MPP7: variants seen among roughly 807,000 people sequenced by gnomAD.
MPP7 encodes MAGUK p55 subfamily member 7.
A neutral mutation model predicts 76.5 loss-of-function variants in MPP7; 60 were observed. The observed-to-expected ratio is 0.78, with a 90% CI of 0.64 to 0.97. The LOEUF is 0.97. MPP7 is among the 50% of genes least tolerant of loss of function. MPP7 has a pLI of 0.00. For synonymous variants in MPP7, 237 were observed against 244.5 expected, an observed-to-expected ratio of 0.97 and a Z score of 0.29; for missense variants, 641 against 694.0, an observed-to-expected ratio of 0.92 and a Z score of 0.86.
At chr10:28,259,070 T>C (rs556592429) in intron 1 of MPP7, among the ~76,000 whole-genome samples, 2 of 152,164 alleles carry the variant, frequency 1.3e-5, no homozygotes, top group South Asian at 4.1e-4. Context: ...CCACCATTCA[T>C]CCTCCACCAG....
intron 3 of MPP7, among the ~76,000 whole-genome samples, chr10:28,166,423 T>A (rs7098215): frequency 7.1e-6 from 1 of 140,316 alleles, no homozygotes; most frequent in African/African-American, 2.9e-5. Flanking sequence ...TTTTTTTTTT[T>A]TGGGACAGAG....
At chr10:28,263,868 C>G (rs1051248462) in intron 1 of MPP7, among the ~76,000 whole-genome samples, 1 of 152,166 alleles carries the variant, frequency 6.6e-6, no homozygotes, top group Non-Finnish European at 1.5e-5. Context: ...TGGAAGATAG[C>G]AATGGGAAGT....
At chr10:28,137,034 A>C (rs1238588136) in intron 5 of MPP7, among the ~76,000 whole-genome samples, 4 of 152,110 alleles carry the variant, frequency 2.6e-5, no homozygotes, top group East Asian at 1.9e-4. Context: ...AAAACATAAA[A>C]CACCACCAAA....
At chr10:28,073,648 T>C (rs1852342125) in intron 12 of MPP7, among the ~76,000 whole-genome samples, 1 of 152,048 alleles carries the variant, frequency 6.6e-6, no homozygotes, top group East Asian at 1.9e-4. Context: ...CGGGTTCCTG[T>C]AGTCCCAGCT....
chr10:28,312,069 C>T (rs758046228), intron 2 of MPP7, among the ~76,000 whole-genome samples: 5 of 152,086 alleles, frequency 3.3e-5, no homozygotes, highest in South Asian at 4.2e-4. Context: ...AAAGATGGCA[C>T]GGACACAAAG....
At chr10:28,093,685 G>C (rs1335841719) in intron 11 of MPP7, among the ~76,000 whole-genome samples, 5 of 152,102 alleles carry the variant, frequency 3.3e-5, no homozygotes, top group Non-Finnish European at 7.4e-5. Context: ...GACCTCAGGA[G>C]ATCCACCCGC....
chr10:28,107,357 C>T (rs1277065153), intron 11 of MPP7, among the ~76,000 whole-genome samples: 7 of 152,114 alleles, frequency 4.6e-5, no homozygotes, highest in Admixed American at 2.0e-4. Context: ...TCAGATAGTG[C>T]TTTATGCCAC....
At chr10:28,100,795 A>G (rs1190874879) in intron 11 of MPP7, among the ~76,000 whole-genome samples, 2 of 152,130 alleles carry the variant, frequency 1.3e-5, no homozygotes, top group Non-Finnish European at 2.9e-5. Flanking sequence ...TCAATTTGCA[A>G]TTTTCAAAGA....
intron 11 of MPP7, among the ~76,000 whole-genome samples, chr10:28,114,897 A>G (rs766379927): frequency 2.0e-5 from 3 of 152,220 alleles, no homozygotes; most frequent in Non-Finnish European, 4.4e-5. Context: ...AACACAGTTC[A>G]CTGAGACTGA....
chr10:28,153,030 G>C (rs959558614), intron 3 of MPP7, among the ~76,000 whole-genome samples: 3 of 152,158 alleles, frequency 2.0e-5, no homozygotes, highest in African/African-American at 7.2e-5. Flanking sequence ...AAGGTGGGCA[G>C]ATCACTTGAG....
intron 13 of MPP7, among the ~76,000 whole-genome samples, chr10:28,064,456 A>C (rs891560001): frequency 1.3e-5 from 2 of 152,214 alleles, no homozygotes; most frequent in East Asian, 1.9e-4. Context: ...ACAGGGTGGA[A>C]GACTGGATTA....
chr10:28,323,055 G>C (rs1217669258), intron 2 of MPP7, among the ~76,000 whole-genome samples: 2 of 152,158 alleles, frequency 1.3e-5, no homozygotes, highest in African/African-American at 4.8e-5. Flanking sequence ...GGGAGGCCAA[G>C]GCAGGCGGAT....
At chr10:28,057,861 G>A (rs1851624165) in intron 15 of MPP7, 1 of 1,230,982 alleles carries the variant, frequency 8.1e-7, no homozygotes. Flanking sequence ...TGGGGGATGA[G>A]GAAAATGCTG....
chr10:28,133,373 T>C (rs1835256096), intron 5 of MPP7, among the ~76,000 whole-genome samples: 1 of 152,172 alleles, frequency 6.6e-6, no homozygotes, highest in African/African-American at 2.4e-5. Context: ...TACACTGCCC[T>C]CCTCCTCATT....
rs537865492 is a variant in MPP7, at chr10:28,146,904, T to C, written c.315+579A>G. Among the ~76,000 whole-genome samples, 3 of 152,322 alleles carry C rather than the reference T, an allele frequency of 2.0e-5. No individual in the cohort carries two copies. The South Asian group carries it at 6.2e-4, about 32-fold the overall frequency. ...AAATTCTGAAATGCCTGCTGTAAAC[T>C]GATCACATTTGGAGGAAAAATAAGT... On this transcript the variant is annotated intron_variant, in intron 5 of 16. Transcript: ENST00000683449.
At chr10:28,312,133 C>G (rs1346054619) in intron 2 of MPP7, among the ~76,000 whole-genome samples, 1 of 152,080 alleles carries the variant, frequency 6.6e-6, no homozygotes, top group Non-Finnish European at 1.5e-5. Flanking sequence ...GCTTCCACAG[C>G]GTGAAAGGGT....
chr10:28,091,082 G>C (rs572965579), intron 11 of MPP7, among the ~76,000 whole-genome samples: 48 of 152,012 alleles, frequency 3.2e-4, no homozygotes, highest in Non-Finnish European at 6.2e-4. Context: ...AGGAGACAGA[G>C]GTTGCAGTGA....
chr10:28,121,989 C>A (rs1400825189), intron 8 of MPP7, among the ~76,000 whole-genome samples: 2 of 152,120 alleles, frequency 1.3e-5, no homozygotes, highest in Admixed American at 6.6e-5. Context: ...TGCAACACAG[C>A]AAGTTAAGTA....
intron 11 of MPP7, among the ~76,000 whole-genome samples, chr10:28,106,033 G>GT (rs1334169110): frequency 6.6e-6 from 1 of 152,066 alleles, no homozygotes; most frequent in Non-Finnish European, 1.5e-5. Context: ...AGATGGTCCC[G>GT]TTTTCTTCTA....
Sources: gnomAD v4.1 joint callset for allele counts (sites outside exome capture counted in the v4.1 genomes callset) on GRCh38, gnomAD v4.1.1 for gene constraint, MANE v1.5 for transcripts, NCBI Gene and HGNC (gene_info 2026-07-23, HGNC 2026-07-21) for gene names.